Variants in DENND2B observed in about 807,000 individuals in gnomAD.
DENND2B encodes the protein DENN domain containing 2B, also known as DENN domain-containing protein 2B.
DENND2B carries 32 observed loss-of-function variants against 116.0 expected under a neutral mutation model. The observed-to-expected ratio is 0.28, with a 90% CI of 0.21 to 0.37. The LOEUF (loss-of-function observed/expected upper bound fraction) is 0.37, where lower values mean the gene tolerates loss of function less well. Among genes scored for constraint, DENND2B ranks in the 10% least tolerant of loss-of-function variants. DENND2B has a pLI of 1.00. For missense variants in DENND2B, 1,276 were observed against 1,477.7 expected (o/e 0.86, Z 2.24); for synonymous variants, 588 against 583.9 (o/e 1.01, Z -0.10).
upstream of DENND2B, among the ~76,000 whole-genome samples, chr11:8,813,837 T>A (rs1356889806): frequency 6.6e-6 from 1 of 152,132 alleles, no homozygotes; most frequent in Non-Finnish European, 1.5e-5. Context: ...AAGGGCCCCA[T>A]TACTGAGAGA....
intron 1 of DENND2B, among the ~76,000 whole-genome samples, chr11:8,754,534 C>T (rs1168033076): frequency 1.3e-5 from 2 of 152,178 alleles, no homozygotes; most frequent in Admixed American, 6.5e-5. Flanking sequence ...AAGTTATACT[C>T]AGAGTTACCA....
At chr11:8,875,368 T>G (rs1191783651), upstream of DENND2B, among the ~76,000 whole-genome samples, 1 of 148,896 alleles carries the variant, frequency 6.7e-6, no homozygotes, top group African/African-American at 2.5e-5. Context: ...TTGCACTGAG[T>G]AGGAAGCCCA....
At chr11:8,792,893 T>C (rs530661414) in intron 1 of DENND2B, among the ~76,000 whole-genome samples, 2 of 152,288 alleles carry the variant, frequency 1.3e-5, no homozygotes, top group African/African-American at 4.8e-5. Flanking sequence ...GAGCACACCC[T>C]TTGATCAGCA....
chr11:8,712,687 G>A lies in DENND2B; in HGVS notation c.2036C>T (p.Pro679Leu), dbSNP rs1357262002. ...VHIQSMLKRAPSYRTLELELL... is the reference protein window; with the variant it reads ...VHIQSMLKRALSYRTLELELL... The stretch of plus-strand genomic sequence containing the variant: ...CTCCAGCTCCAGCGTGCGATAGCTG[G>A]GGGCGCGCTTCAGCATCGACTGGAT... The change falls in exon 9 of 20, where the codon CCC becomes CTC. Residue 679 changes from proline to leucine, a missense_variant. Transcript: ENST00000313726. The surrounding 1 kb of genome is among the most constrained non-coding windows in gnomAD (Gnocchi z 4.4). The A allele has an allele frequency of 1.2e-6, 2 of 1,611,840 alleles. No homozygotes were observed. The highest frequency in any genetic ancestry group is 4.5e-5 in the East Asian group (2 of 44,834).
rs141176998 is a variant in DENND2B, at chr11:8,829,203, GTGTGCA to G, written c.-115+10101_-115+10106del. Among the ~76,000 whole-genome samples the G allele has an allele frequency of 5.7e-3, 861 of 151,976 alleles. 2 individuals carry two copies. The highest frequency in any genetic ancestry group is 0.02 in the Middle Eastern group (6 of 294). On this transcript the variant is annotated intron_variant, in intron 4 of 6. Transcript: ENST00000524757. ...TGTGGTGTTTGTGTGTGTGGTATGTGTGTGCATGTGCATGTGCAGCATATGTTGTAA... is the reference window on the plus strand; with the variant it reads ...TGTGGTGTTTGTGTGTGTGGTATGTGTGTGCATGTGCAGCATATGTTGTAA...
intron 19 of DENND2B, chr11:8,694,605 G>C (rs1407110039): frequency 2.2e-6 from 1 of 456,442 alleles, no homozygotes; most frequent in Non-Finnish European, 4.4e-6. Context: ...AATACAGCCT[G>C]TCCTCCATAT....
chr11:8,855,460 G>A (rs2063162245), intron 3 of DENND2B, among the ~76,000 whole-genome samples: 1 of 151,124 alleles, frequency 6.6e-6, no homozygotes, highest in South Asian at 2.1e-4. Context: ...ATCATCTAGA[G>A]AGGCTGCTCA....
At chr11:8,846,809 C>CTCCATGA (rs2062831483) in intron 3 of DENND2B, among the ~76,000 whole-genome samples, 1 of 152,186 alleles carries the variant, frequency 6.6e-6, no homozygotes, top group Admixed American at 6.5e-5. Context: ...TTCTAAACCG[C>CTCCATGA]TCCATGATCC....
intron 4 of DENND2B, chr11:8,718,591 A>T: frequency 7.4e-7 from 1 of 1,357,080 alleles, no homozygotes; most frequent in Non-Finnish European, 9.5e-7. Flanking sequence ...TCTCAGCAAA[A>T]AGAGAACCAT....
At chr11:8,698,221 G>GT (rs2040803215) in intron 16 of DENND2B, among the ~76,000 whole-genome samples, 1 of 149,936 alleles carries the variant, frequency 6.7e-6, no homozygotes, top group South Asian at 2.1e-4. Flanking sequence ...CCAGCCAGGG[G>GT]TTCCTGATTA....
At chr11:8,694,658 C>A (rs1403714651) in intron 19 of DENND2B, 1 of 456,092 alleles carries the variant, frequency 2.2e-6, no homozygotes, top group Non-Finnish European at 4.4e-6. Context: ...ATAGATTCAA[C>A]CAACTGGAGA....
chr11:8,838,026 T>C (rs1342814922), intron 4 of DENND2B, among the ~76,000 whole-genome samples: 3 of 152,252 alleles, frequency 2.0e-5, no homozygotes, highest in Non-Finnish European at 4.4e-5. Context: ...AGCCGAGGCA[T>C]GGACAGGCAG....
chr11:8,864,670 G>A lies in DENND2B; in HGVS notation c.-250+6284C>T, dbSNP rs550039142. ...GTAATAAGAGAATAAACAGATGCCC[G>A]TACACACCCCAGTGCTTTTTCCGCA... is the stretch of plus-strand genomic sequence containing the variant. On this transcript the variant is annotated intron_variant, in intron 2 of 6. Transcript: ENST00000524757. Among the ~76,000 whole-genome samples, 101 of 152,226 alleles carry A rather than the reference G, an allele frequency of 6.6e-4. No individual in the cohort carries two copies. The South Asian group carries it at 0.013, about 19-fold the overall frequency.
At chr11:8,866,985 G>A (rs375550505) in intron 2 of DENND2B, among the ~76,000 whole-genome samples, 173 of 151,158 alleles carry the variant, frequency 1.1e-3, no homozygotes, top group African/African-American at 3.9e-3. Flanking sequence ...TTTTTTATTT[G>A]ACAAAAAACC....
intron 4 of DENND2B, among the ~76,000 whole-genome samples, chr11:8,816,804 G>A (rs981636649): frequency 3.3e-5 from 5 of 152,130 alleles, no homozygotes; most frequent in African/African-American, 1.2e-4. Context: ...CTCCCTTAGG[G>A]GCCTTTGCTT....
intron 14 of DENND2B, among the ~76,000 whole-genome samples, chr11:8,699,702 G>A (rs1306001035): frequency 6.6e-6 from 1 of 152,134 alleles, no homozygotes; most frequent in Non-Finnish European, 1.5e-5. Flanking sequence ...GTGGGCCCGT[G>A]GCTGAGGAGG....
At chr11:8,743,226 TA>T (rs1170159082) in intron 2 of DENND2B, among the ~76,000 whole-genome samples, 2 of 152,132 alleles carry the variant, frequency 1.3e-5, no homozygotes, top group East Asian at 3.9e-4. Context: ...AAAAAAAATC[TA>T]AAGTGAGACT....
intron 4 of DENND2B, among the ~76,000 whole-genome samples, chr11:8,823,907 T>TC (rs2061864849): frequency 2.1e-5 from 3 of 145,952 alleles, no homozygotes; most frequent in Middle Eastern, 3.6e-3. Context: ...CTTCTTCTTT[T>TC]TTTTTTTTTT....
intron 1 of DENND2B, among the ~76,000 whole-genome samples, chr11:8,805,892 T>C (rs946592032): frequency 3.9e-5 from 6 of 152,118 alleles, no homozygotes; most frequent in African/African-American, 1.2e-4. Flanking sequence ...AGACCAATAC[T>C]GCATAGATGG....
Sources: gnomAD v4.1 joint callset for allele counts (sites outside exome capture counted in the v4.1 genomes callset) on GRCh38, gnomAD v4.1.1 for gene constraint, Gnocchi (gnomAD v3.1) non-coding constraint, MANE v1.5 for transcripts, NCBI Gene and HGNC (gene_info 2026-07-23, HGNC 2026-07-21) for gene names.